Variants in CELF3 observed in about 807,000 individuals in gnomAD.
The protein encoded by CELF3 is CUGBP Elav-like family member 3.
A neutral mutation model predicts 59.6 loss-of-function variants in CELF3; 26 were observed. That is an observed-to-expected ratio of 0.44 (90% confidence interval 0.32 to 0.61). CELF3 has a LOEUF of 0.61. CELF3 is among the 20% of genes least tolerant of loss of function. CELF3 has a pLI of 0.06. For missense variants in CELF3, 387 were observed against 627.2 expected (o/e 0.62, Z 4.09); for synonymous variants, 245 against 250.7 (o/e 0.98, Z 0.22).
chr1:151,707,385 GA>G, intron 7 of CELF3, 91 bp from the exon 8 acceptor site: 1 of 1,532,198 alleles, frequency 6.5e-7, no homozygotes, highest in Non-Finnish European at 8.8e-7. Flanking sequence ...CAGAGGGGAG[GA>G]AGCAGGCCTC....
At chr1:151,706,399 C>A in intron 9 of CELF3, 38 bp from the exon 10 acceptor site, 1 of 1,515,620 alleles carries the variant, frequency 6.6e-7, no homozygotes, top group Non-Finnish European at 8.9e-7. Flanking sequence ...TGGGGCTTCC[C>A]TGACTTCTTG....
rs377166640 is a variant in CELF3 at position 151,714,707 on chromosome 1, C to T, written c.146-31G>A. 64 of 1,477,828 alleles carry T rather than the reference C, an allele frequency of 4.3e-5. No individual in the cohort carries two copies. The African/African-American group carries it at 6.0e-4, about 14-fold the overall frequency. The allele number at this position is 1,477,828 out of a possible 1,614,324, so 91.5% of individuals were successfully genotyped here. ...GAGGGGCAGGGGCAGAGAAACACGG[C>T]GGGGGGTGAGTCCTCCATCTCCCCT... On this transcript the variant is annotated intron_variant, in intron 1 of 12. Transcript: ENST00000290583.
intron 2 of CELF3, among the ~76,000 whole-genome samples, chr1:151,713,033 A>G (rs1414888103): frequency 6.6e-6 from 1 of 152,178 alleles, no homozygotes; most frequent in Non-Finnish European, 1.5e-5. Context: ...TCTGCTCCCC[A>G]CAACTGCCCT....
At position 151,709,860 on chromosome 1, in the gene CELF3, G is replaced by T; in HGVS notation, c.229-69C>A. 6.8e-7 allele frequency: 1 copy of T among 1,480,612 alleles called. No homozygotes were observed. The highest frequency in any genetic ancestry group is 9.5e-7 in the Non-Finnish European group (1 of 1,058,120). The allele number at this position is 1,480,612 out of a possible 1,614,324, so 91.7% of individuals were successfully genotyped here. A position where few individuals can be genotyped will look rare whatever the true frequency, so the allele number is the denominator to read the frequency against. ...ACACCCAAGAGCCCTCCCAGGCCAG[G>T]CCCTGCAGAGAGACTAGAGGGGCAA... On this transcript the variant is annotated intron_variant, in intron 2 of 12. Transcript: ENST00000290583. The surrounding 1 kb of genome is among the most constrained non-coding windows in gnomAD (Gnocchi z 4.9).
rs1472026902 is a variant in CELF3, at chr1:151,709,843, G to A, written c.229-52C>T. ...CTGGGGACCTCCTCTGAACACCCAA[G>A]AGCCCTCCCAGGCCAGGCCCTGCAG... On this transcript the variant is annotated intron_variant, in intron 2 of 12. Coordinates refer to ENST00000290583, the MANE Select transcript of CELF3 (RefSeq NM_007185.7). This position sits in a 1 kb window ranked among gnomAD's most constrained non-coding sequence, Gnocchi z 4.9. 2.5e-6 allele frequency: 4 copies of A among 1,576,368 alleles called. No individual in the cohort carries two copies. The highest frequency in any genetic ancestry group is 1.3e-5 in the African/African-American group (1 of 74,348).
Position 151,705,164 on chromosome 1 carries a change from A to G in CELF3, c.1275T>C (p.Phe425=), listed in dbSNP as rs369756440. Residue 425 remains phenylalanine, a synonymous_variant, in exon 12 of 13, where the codon TTT becomes TTC. Transcript: ENST00000290583. The surrounding 1 kb of genome is among the most constrained non-coding windows in gnomAD (Gnocchi z 5.1). ...RATNQSKCFG[F]VSFDNPASAQ... ...CACTGGCCGGATTGTCGAAACTCAC[A>G]AAGCCTGGGGTGAGAGGGGCATAAG... 1 of 1,612,756 alleles carries G rather than the reference A, an allele frequency of 6.2e-7. No individual in the cohort carries two copies. The highest frequency in any genetic ancestry group is 8.5e-7 in the Non-Finnish European group (1 of 1,179,070).
At chr1:151,704,627 C>T (rs1400358772) in intron 12 of CELF3, among the ~76,000 whole-genome samples, 1 of 152,032 alleles carries the variant, frequency 6.6e-6, no homozygotes, top group Non-Finnish European at 1.5e-5. Flanking sequence ...CCTCTGGCAC[C>T]CTCAGCCAAC....
rs1269713964 is a variant in CELF3, at chr1:151,700,280, G to T, written c.*3179C>A. ...AAAGGAAGGAGAAAGACCTGTGGAT[G>T]AGGGCCGTTAAGATTTTCATGAAGA... On this transcript the variant is annotated 3_prime_UTR_variant, in exon 13 of 13. Transcript: ENST00000290583. Among the ~76,000 whole-genome samples the T allele has an allele frequency of 1.3e-5, 2 of 152,212 alleles. No individual in the cohort carries two copies. The highest frequency in any genetic ancestry group is 4.8e-5 in the African/African-American group (2 of 41,460).
In CELF3 at chr1:151,702,231, T is replaced by C. The variant is rs150037041; in HGVS notation, c.*1228A>G. Among the ~76,000 whole-genome samples the C allele has an allele frequency of 1.8e-4, 27 of 152,304 alleles. No individual in the cohort carries two copies. The highest frequency in any genetic ancestry group is 3.5e-4 in the Non-Finnish European group (24 of 68,030). On this transcript the variant is annotated 3_prime_UTR_variant, in exon 13 of 13. Transcript: ENST00000290583. ...CCAGAATTAAGCCCCAAAGAAGGGC[T>C]GAAGGACAGGATCATGAAGCCATGA...
chr1:151,709,177 A>G lies in CELF3; in HGVS notation c.406+43T>C. 1 of 1,609,250 alleles carries G rather than the reference A, an allele frequency of 6.2e-7. No individual in the cohort carries two copies. The highest frequency in any genetic ancestry group is 8.5e-7 in the Non-Finnish European group (1 of 1,176,242). On this transcript the variant is annotated intron_variant, in intron 4 of 12. Coordinates refer to ENST00000290583, the MANE Select transcript of CELF3 (RefSeq NM_007185.7). This position sits in a 1 kb window ranked among gnomAD's most constrained non-coding sequence, Gnocchi z 4.9. Reference sequence around the variant, plus strand: ...TAGGGAGTCTTGGGGGTGGAACAGGAAGGGGAAGGGCCCGGTGGGGAAGGG... The same window carrying G: ...TAGGGAGTCTTGGGGGTGGAACAGGGAGGGGAAGGGCCCGGTGGGGAAGGG...
intron 5 of CELF3, 150 bp from the exon 6 acceptor site, chr1:151,708,085 A>C (rs1672725361): frequency 1.3e-6 from 1 of 782,458 alleles, no homozygotes; most frequent in Non-Finnish European, 2.0e-6. Flanking sequence ...AGATGGGGAG[A>C]TATTAATCCC....
At position 151,714,597 on chromosome 1, in the gene CELF3, T is replaced by C. The variant is rs758874644; in HGVS notation, c.225A>G (p.Pro75=). The change falls in exon 2 of 13, where the codon CCA becomes CCG. Residue 75 remains proline (P), a synonymous_variant. Coordinates refer to ENST00000290583, the MANE Select transcript of CELF3 (RefSeq NM_007185.7). ...CCCTGCAAAGGGCAGGACTCACCCCTGGAAGCGTCTTCTGTTCGTGCAGGG... is the reference window on the plus strand; with the variant it reads ...CCCTGCAAAGGGCAGGACTCACCCCCGGAAGCGTCTTCTGTTCGTGCAGGG... ...QSALHEQKTL[P]GMNRPIQVKP... The C allele has an allele frequency of 3.9e-6, 6 of 1,554,556 alleles. No individual in the cohort carries two copies. In the South Asian group the frequency reaches 7.1e-5, roughly 18 times the overall value.
Position 151,709,011 on chromosome 1 carries a change from C to T in CELF3, c.473G>A (p.Ser158Asn). Reference protein sequence around the residue: ...AQAAINTLHSSRTLPGASSSL... With the variant: ...AQAAINTLHSNRTLPGASSSL... ...AGTGGGGCTCACTGGCAGGGTCCGG[C>T]TGCTGTGAAGGGTGTTGATGGCCGC... Residue 158 changes from serine (S) to asparagine (N), a missense_variant, in exon 5 of 13, where the codon AGC (serine) becomes AAC (asparagine). Physicochemically the swap from Ser to Asn is conservative, Grantham distance 46 (BLOSUM62 1). Around this residue, in one of 3 missense-constraint regions of CELF3, gnomAD observed 208 missense variants for 354.8 expected, o/e 0.59. Coordinates refer to ENST00000290583, the MANE Select transcript of CELF3 (RefSeq NM_007185.7). This position sits in a 1 kb window ranked among gnomAD's most constrained non-coding sequence, Gnocchi z 4.9. 6.2e-7 allele frequency: 1 copy of T among 1,613,742 alleles called. No homozygotes were observed. The highest frequency in any genetic ancestry group is 8.5e-7 in the Non-Finnish European group (1 of 1,179,930).
Position 151,703,417 on chromosome 1 carries a change from G to A in CELF3, c.*42C>T, listed in dbSNP as rs142369892. On this transcript the variant is annotated 3_prime_UTR_variant, in exon 13 of 13. Transcript: ENST00000290583. The stretch of plus-strand genomic sequence containing the variant: ...CCGGGGCCAGTCGTGGGAAGAGGGT[G>A]TGAGGCGCCCCTTCCTCTGGGATCT... 4 of 370,944 alleles carry A rather than the reference G, an allele frequency of 1.1e-5. No homozygotes were observed. The East Asian group carries it at 2.9e-4, about 27-fold the overall frequency. 23.0% of individuals were successfully genotyped at this position (370,944 alleles called of 1,614,324 possible).
In CELF3 at chr1:151,714,585, AG is replaced by A. The variant is rs758505461; in HGVS notation, c.228+8del. ...TCAGTCCCCTGGCCCTGCAAAGGGCAGGACTCACCCCTGGAAGCGTCTTCTG... is the reference window on the plus strand; with the variant it reads ...TCAGTCCCCTGGCCCTGCAAAGGGCAGACTCACCCCTGGAAGCGTCTTCTG... On this transcript the variant is annotated splice_region_variant and intron_variant, in intron 2 of 12. Coordinates refer to ENST00000290583, the MANE Select transcript of CELF3 (RefSeq NM_007185.7). The A allele has an allele frequency of 6.4e-7, 1 of 1,551,954 alleles. No individual in the cohort carries two copies. The highest frequency in any genetic ancestry group is 1.2e-5 in the South Asian group (1 of 84,086).
rs968499405 is a variant in CELF3, at chr1:151,709,537, G to A, written c.278-189C>T. ...TGCTCATCCCAGCTCTGAGGGACTC[G>A]CACTCCACCCTGGGCCTCAGTTTTG... On this transcript the variant is annotated intron_variant, in intron 3 of 12. Coordinates refer to ENST00000290583, the MANE Select transcript of CELF3 (RefSeq NM_007185.7). This position sits in a 1 kb window ranked among gnomAD's most constrained non-coding sequence, Gnocchi z 4.9. 5.1e-5 allele frequency: 48 copies of A among 934,524 alleles called. No homozygotes were observed. The highest frequency in any genetic ancestry group is 7.2e-5 in the Non-Finnish European group (44 of 608,094). The allele number at this position is 934,524 out of a possible 1,614,324, so 57.9% of individuals were successfully genotyped here.
rs946057986 is a variant in CELF3 at position 151,714,621 on chromosome 1, G to A, written c.201C>T (p.Ala67=). The A allele has an allele frequency of 8.3e-6, 13 of 1,559,416 alleles. No individual in the cohort carries two copies. The Middle Eastern group carries it at 5.0e-4, about 60-fold the overall frequency. The part of the protein sequence containing the change: ...ARDSALKAQS[A]LHEQKTLPGM... ...CTGGAAGCGTCTTCTGTTCGTGCAGGGCGCTCTGGGCCTTCAGGGCTGAAT... is the reference window on the plus strand; with the variant it reads ...CTGGAAGCGTCTTCTGTTCGTGCAGAGCGCTCTGGGCCTTCAGGGCTGAAT... Residue 67 remains alanine, a synonymous_variant, in exon 2 of 13, where the codon GCC becomes GCT. Coordinates refer to ENST00000290583, the MANE Select transcript of CELF3 (RefSeq NM_007185.7).
At position 151,714,084 on chromosome 1, in the gene CELF3, C is replaced by T. The variant is rs545076653; in HGVS notation, c.228+510G>A. Among the ~76,000 whole-genome samples the T allele has an allele frequency of 7.5e-4, 114 of 152,308 alleles. 4 individuals are homozygous for T. The South Asian group carries it at 0.023, about 31-fold the overall frequency. ...ACCCTGATGCTCTGTGGCTCTGTTC[C>T]TGGGACTCTTCCTGGGAGACAGAAG... On this transcript the variant is annotated intron_variant, in intron 2 of 12. Transcript: ENST00000290583.
chr1:151,714,305 C>CGAGT (rs932038986), intron 2 of CELF3: 30 of 581,062 alleles, frequency 5.2e-5, no homozygotes, highest in African/African-American at 4.9e-4. Flanking sequence ...TTCCAACCAG[C>CGAGT]GAGTCCTCCC....
Sources: allele counts gnomAD v4.1 joint callset (sites outside exome capture counted in the v4.1 genomes callset), GRCh38; gene constraint gnomAD v4.1.1; regional missense constraint gnomAD v4.1.1; non-coding constraint Gnocchi (gnomAD v3.1); transcripts MANE v1.5; gene names NCBI Gene and HGNC (gene_info 2026-07-23, HGNC 2026-07-21).